The following MEI1 variants were observed in gnomAD, a reference collection of about 807,000 sequenced individuals.
MEI1 encodes the protein meiotic double-stranded break formation protein 1.
A neutral mutation model predicts 146.2 loss-of-function variants in MEI1; 103 were observed. That is an observed-to-expected ratio of 0.70 (90% CI 0.60 to 0.83). The LOEUF is 0.83. Ranked by LOEUF, MEI1 falls within the 40% of genes least tolerant of loss-of-function variation. The pLI, the probability that MEI1 is intolerant of heterozygous loss-of-function variation, is 0.00. For missense variants in MEI1, 1,529 were observed against 1,533.0 expected (o/e 1.00, Z 0.04); for synonymous variants, 652 against 628.2 (o/e 1.04, Z -0.57).
intron 18 of MEI1, among the ~76,000 whole-genome samples, chr22:41,760,681 C>A (rs546335835): frequency 6.6e-5 from 10 of 152,306 alleles, no homozygotes; most frequent in African/African-American, 2.4e-4. Flanking sequence ...ATTTCTGTCC[C>A]TTTCAAGGGC....
At chr22:41,709,778 G>A (rs1224591994) in intron 3 of MEI1, among the ~76,000 whole-genome samples, 1 of 152,166 alleles carries the variant, frequency 6.6e-6, no homozygotes, top group African/African-American at 2.4e-5. Context: ...ATTCCAGGTA[G>A]TAGAATAATC....
At chr22:41,784,820 G>A in intron 26 of MEI1, 37 bp downstream of exon 26, 1 of 1,519,320 alleles carries the variant, frequency 6.6e-7, no homozygotes, top group Admixed American at 2.0e-5. Flanking sequence ...CTTCTCCCAG[G>A]ACAACAGCAG....
chr22:41,711,297 C>T (rs537689911), intron 3 of MEI1, among the ~76,000 whole-genome samples: 20 of 152,278 alleles, frequency 1.3e-4, no homozygotes, highest in African/African-American at 3.9e-4. Flanking sequence ...CTCAGCCTCC[C>T]GAGTAGCTGG....
At chr22:41,775,907 T>G in intron 20 of MEI1, 195 bp from the exon 21 acceptor site, 1 of 538,940 alleles carries the variant, frequency 1.9e-6, no homozygotes, top group Non-Finnish European at 3.3e-6. Context: ...GATGGACCTA[T>G]TCTAAGGGAT....
At chr22:41,761,379 A>G (rs983467990) in intron 18 of MEI1, among the ~76,000 whole-genome samples, 2 of 148,760 alleles carry the variant, frequency 1.3e-5, no homozygotes, top group East Asian at 2.1e-4. Flanking sequence ...CAGTGGCCCA[A>G]TCTCGGCTCA....
Position 41,729,827 on chromosome 22 carries a change from G to C in MEI1, c.979+48G>C, listed in dbSNP as rs748552073. 8 of 1,247,768 alleles carry C rather than the reference G, an allele frequency of 6.4e-6. No individual in the cohort carries two copies. In the South Asian group the frequency reaches 9.8e-5, roughly 15 times the overall value. The allele number at this position is 1,247,768 out of a possible 1,614,324, so 77.3% of individuals were successfully genotyped here. A position where few individuals can be genotyped will look rare whatever the true frequency, so the allele number is the denominator to read the frequency against. ...CTCCTCCCTATACTAGAAGGATGGG[G>C]TGGTGACAGGTTCAATTGTGTATGA... On this transcript the variant is annotated intron_variant, in intron 8 of 30. Coordinates refer to ENST00000401548, the MANE Select transcript of MEI1 (RefSeq NM_152513.4).
In MEI1 at chr22:41,782,493, A is replaced by G. The variant is rs2075801448; in HGVS notation, c.3087+648A>G. On this transcript the variant is annotated intron_variant, in intron 24 of 30. Coordinates refer to ENST00000401548, the MANE Select transcript of MEI1 (RefSeq NM_152513.4). ...CTTCCCCTCAGCCCCTCCCTCTTGT[A>G]GGGCCTTGTCATCACAGTGCCCTGC... Among the ~76,000 whole-genome samples, 5 of 152,280 alleles carry G rather than the reference A, an allele frequency of 3.3e-5. No individual in the cohort carries two copies. In the South Asian group the frequency reaches 1.0e-3, roughly 32 times the overall value.
chr22:41,703,342 G>A lies in MEI1; in HGVS notation c.186G>A (p.Lys62=). The A allele has an allele frequency of 1.2e-6, 2 of 1,612,648 alleles. No homozygotes were observed. The highest frequency in any genetic ancestry group is 1.7e-6 in the Non-Finnish European group (2 of 1,179,294). Reference sequence around the variant, plus strand: ...TCATTTGCTTCAAGTTAGTGCGCAAGAAGCACATGTTGTCCTGCTTCCAAG... The same window carrying A: ...TCATTTGCTTCAAGTTAGTGCGCAAAAAGCACATGTTGTCCTGCTTCCAAG... ...LPDPGVSLVR[K]KHMLSCFQDA... is the part of the protein sequence containing the mutation. The change falls in exon 2 of 31, where the codon AAG becomes AAA. Residue 62 remains lysine, a synonymous_variant. Coordinates refer to ENST00000401548, the MANE Select transcript of MEI1 (RefSeq NM_152513.4).
At chr22:41,729,164 C>CAAAAA (rs386395490) in intron 7 of MEI1, among the ~76,000 whole-genome samples, 37 of 74,858 alleles carry the variant, frequency 4.9e-4, no homozygotes, top group East Asian at 1.3e-3. Context: ...GACTCCGTCT[C>CAAAAA]AAAAAAAAAA....
chr22:41,798,116 AAC>A (rs60766866), intron 30 of MEI1, among the ~76,000 whole-genome samples: 9,871 of 135,284 alleles, frequency 0.073, 295 homozygotes, highest in East Asian at 0.14. Context: ...TCCTCAGCCC[AAC>A]ACACACACAC....
At chr22:41,745,557 C>G (rs973421615) in intron 13 of MEI1, among the ~76,000 whole-genome samples, 1 of 151,858 alleles carries the variant, frequency 6.6e-6, no homozygotes, top group African/African-American at 2.4e-5. Context: ...TTCAAGAATC[C>G]GGGGAAGGTA....
intron 4 of MEI1, among the ~76,000 whole-genome samples, chr22:41,715,554 C>G (rs2070060318): frequency 6.6e-6 from 1 of 152,054 alleles, no homozygotes; most frequent in African/African-American, 2.4e-5. Flanking sequence ...TCCCACCACA[C>G]CCGGCTAATT....
chr22:41,729,606 A>T (rs777451215), intron 7 of MEI1, 59 bp from the exon 8 acceptor site: 38 of 1,103,498 alleles, frequency 3.4e-5, no homozygotes, highest in Non-Finnish European at 4.9e-5. Context: ...CACCTAGGCC[A>T]GTTTTTCTGG....
chr22:41,734,933 T>G (rs1472037722), intron 11 of MEI1, among the ~76,000 whole-genome samples: 2 of 151,964 alleles, frequency 1.3e-5, no homozygotes, highest in African/African-American at 4.8e-5. Context: ...CACTTGCACC[T>G]GGCCTACATT....
intron 19 of MEI1, among the ~76,000 whole-genome samples, chr22:41,766,363 G>A (rs2074855538): frequency 6.7e-6 from 1 of 150,022 alleles, no homozygotes; most frequent in South Asian, 2.1e-4. Flanking sequence ...GTAGAGACAG[G>A]GTTTCACCAT....
intron 27 of MEI1, 97 bp from the exon 28 acceptor site, chr22:41,794,274 C>A: frequency 9.7e-7 from 1 of 1,032,506 alleles, no homozygotes; most frequent in Admixed American, 1.8e-5. Context: ...CTGTCTCTAA[C>A]TGGGTAGCCC....
At chr22:41,759,459 CT>C (rs2074319065) in intron 18 of MEI1, 1 of 152,094 alleles carries the variant, frequency 6.6e-6, no homozygotes, top group Admixed American at 6.6e-5. Context: ...AAAACCCCGT[CT>C]CTACTAAAAA....
intron 14 of MEI1, among the ~76,000 whole-genome samples, chr22:41,746,776 C>T (rs1447925390): frequency 6.6e-6 from 1 of 152,226 alleles, no homozygotes; most frequent in East Asian, 1.9e-4. Context: ...GCACCTCTGG[C>T]TCTGCACCAG....
Position 41,745,082 on chromosome 22 carries a change from G to A in MEI1, c.1538+18G>A. On this transcript the variant is annotated intron_variant, in intron 13 of 30. Transcript: ENST00000401548. Reference sequence around the variant, plus strand: ...GCCTGCAGGTGAGGGGCCCTCTGAGGTATGAAGTAATAGCATGGAAGGTAG... The same window carrying A: ...GCCTGCAGGTGAGGGGCCCTCTGAGATATGAAGTAATAGCATGGAAGGTAG... The A allele has an allele frequency of 6.7e-7, 1 of 1,499,098 alleles. No homozygotes were observed. Among genetic ancestry groups the A allele is most frequent in the Middle Eastern group, 1.7e-4 (1 of 5,766 alleles). 92.9% of individuals were successfully genotyped at this position (1,499,098 alleles called of 1,614,324 possible).
Sources: gnomAD v4.1 joint callset for allele counts (sites outside exome capture counted in the v4.1 genomes callset) on GRCh38, gnomAD v4.1.1 for gene constraint, MANE v1.5 for transcripts, NCBI Gene and HGNC (gene_info 2026-07-23, HGNC 2026-07-21) for gene names.